RIOK2: variants seen among roughly 807,000 people sequenced by gnomAD.
The protein encoded by RIOK2 is RIO kinase 2.
A neutral mutation model predicts 62.4 loss-of-function variants in RIOK2; 46 were observed. The observed-to-expected ratio is 0.74, with a 90% CI of 0.58 to 0.94. The LOEUF (loss-of-function observed/expected upper bound fraction) is 0.94, where lower values mean the gene tolerates loss of function less well. RIOK2 is among the 40% of genes least tolerant of loss of function. The probability of loss-of-function intolerance (pLI) is 0.00; values close to 1 mark genes in which losing one functional copy is unlikely to be tolerated. For synonymous variants in RIOK2, 197 were observed against 216.0 expected (o/e 0.91, Z 0.77); for missense variants, 574 against 658.0 (o/e 0.87, Z 1.40).
At position 97,177,197 on chromosome 5, in the gene RIOK2, G is replaced by A. The variant is rs774007499; in HGVS notation, c.417C>T (p.Arg139=). The stretch of plus-strand genomic sequence containing the variant: ...CATTGTGCCTATGTTTATGATAATC[G>A]CGTTTGTTTTTCAAATTTCGAAACG... ...RTSFRNLKNK[R]DYHKHRHNVS... is the part of the protein sequence containing the mutation. Residue 139 remains arginine (R), a synonymous_variant, in exon 4 of 10, where the codon CGC becomes CGT. Transcript: ENST00000283109. 51 of 1,613,010 alleles carry A rather than the reference G, an allele frequency of 3.2e-5. No homozygotes were observed. The highest frequency in any genetic ancestry group is 4.1e-5 in the Non-Finnish European group (48 of 1,179,420).
chr5:97,166,938 G>A (rs772588887), intron 8 of RIOK2: 48 of 932,748 alleles, frequency 5.1e-5, no homozygotes, highest in Admixed American at 1.2e-4. Flanking sequence ...TTTTTGAGAC[G>A]GAGTTTTTTG....
Position 97,177,716 on chromosome 5 carries a change from T to G in RIOK2, c.322+16A>C. 1.4e-6 allele frequency: 2 copies of G among 1,409,620 alleles called. No homozygotes were observed. The highest frequency in any genetic ancestry group is 1.4e-5 in the African/African-American group (1 of 71,652). 87.3% of individuals were successfully genotyped at this position (1,409,620 alleles called of 1,614,324 possible). On this transcript the variant is annotated intron_variant, in intron 3 of 9. Transcript: ENST00000283109. ...AAAGCAAAGAAAATACTTTGCACAG[T>G]ACTATTAGCACTTACCTGATTCTTT...
At chr5:97,172,436 A>C (rs1749037772) in intron 5 of RIOK2, among the ~76,000 whole-genome samples, 1 of 152,124 alleles carries the variant, frequency 6.6e-6, no homozygotes, top group Admixed American at 6.5e-5. Flanking sequence ...TCCAATCTCA[A>C]ATCATGTTGG....
Position 97,161,643 on chromosome 5 carries a change from T to G in RIOK2, c.*1418A>C, listed in dbSNP as rs1225576572. ...AAAAATCATGTTTGTCTTGAGTTTC[T>G]TAATAGTAATGGGCTTTTTATGTAG... is the stretch of plus-strand genomic sequence containing the variant. On this transcript the variant is annotated 3_prime_UTR_variant, in exon 10 of 10. Transcript: ENST00000283109. 2 of 152,174 alleles carry G rather than the reference T, an allele frequency of 1.3e-5. No homozygotes were observed. Among genetic ancestry groups the G allele is most frequent in the East Asian group, 3.8e-4 (2 of 5,202 alleles). The allele number at this position is 152,174 out of a possible 1,614,324, so 9.4% of individuals were successfully genotyped here.
At chr5:97,165,200 T>C (rs1369027700) in intron 8 of RIOK2, 53 bp from the exon 9 acceptor site, 2 of 851,548 alleles carry the variant, frequency 2.3e-6, no homozygotes, top group African/African-American at 3.5e-5. Context: ...ATGTAATGAA[T>C]CCCATTTGAT....
At chr5:97,169,849 C>A (rs1748950290) in intron 6 of RIOK2, among the ~76,000 whole-genome samples, 1 of 152,140 alleles carries the variant, frequency 6.6e-6, no homozygotes, top group South Asian at 2.1e-4. Context: ...ATGTCATAAT[C>A]TGTCACACTC....
intron 9 of RIOK2, among the ~76,000 whole-genome samples, chr5:97,164,647 T>C (rs548785383): frequency 4.2e-4 from 64 of 152,318 alleles, no homozygotes; most frequent in African/African-American, 1.5e-3. Context: ...CTTCAGCTCA[T>C]ATGAAGAATG....
At position 97,169,608 on chromosome 5, in the gene RIOK2, C is replaced by T. The variant is rs115168052; in HGVS notation, c.780-756G>A. Among the ~76,000 whole-genome samples the T allele has an allele frequency of 9.2e-3, 1,404 of 152,244 alleles. 25 individuals carry two copies. Among genetic ancestry groups the T allele is most frequent in the African/African-American group, 0.032 (1,330 of 41,540 alleles). On this transcript the variant is annotated intron_variant, in intron 6 of 9. Coordinates refer to ENST00000283109, the MANE Select transcript of RIOK2 (RefSeq NM_018343.3). ...TTGGAAATAGGAAGATAATGCCTCTCCTCTTTGCTCACAGGGTACTCTGGG... is the reference window on the plus strand; with the variant it reads ...TTGGAAATAGGAAGATAATGCCTCTTCTCTTTGCTCACAGGGTACTCTGGG...
chr5:97,173,453 A>G (rs1749072294), intron 4 of RIOK2, among the ~76,000 whole-genome samples, 190 bp from the exon 5 acceptor site: 1 of 152,226 alleles, frequency 6.6e-6, no homozygotes. Context: ...TAAAAAGCAA[A>G]TTTTAAACAA....
intron 8 of RIOK2, chr5:97,166,300 C>T: frequency 2.2e-6 from 1 of 455,422 alleles, no homozygotes; most frequent in Non-Finnish European, 4.4e-6. Flanking sequence ...CCCTCTTTTC[C>T]TTTTAAGCTT....
At chr5:97,182,665 T>C (rs549363522) in intron 1 of RIOK2, 6 of 204,844 alleles carry the variant, frequency 2.9e-5, no homozygotes, top group Non-Finnish European at 6.1e-5. Context: ...TTTGAACAAG[T>C]GAACCTCCTA....
intron 6 of RIOK2, among the ~76,000 whole-genome samples, chr5:97,169,830 A>C (rs1561517360): frequency 6.6e-6 from 1 of 152,182 alleles, no homozygotes; most frequent in Non-Finnish European, 1.5e-5. Context: ...GATGCAGCCT[A>C]AACCTAGAAT....
At position 97,161,433 on chromosome 5, in the gene RIOK2, T is replaced by C. The variant is rs1438871266; in HGVS notation, c.*1628A>G. On this transcript the variant is annotated 3_prime_UTR_variant, in exon 10 of 10. Coordinates refer to ENST00000283109, the MANE Select transcript of RIOK2 (RefSeq NM_018343.3). The stretch of plus-strand genomic sequence containing the variant: ...ACATATCTTCAAAAAATAACTATTA[T>C]AATTATACCTTAGTTTTCAACAACC... 6.6e-6 allele frequency: 1 copy of C among 152,156 alleles called. No individual in the cohort carries two copies. The highest frequency in any genetic ancestry group is 1.5e-5 in the Non-Finnish European group (1 of 68,028). 9.4% of individuals were successfully genotyped at this position (152,156 alleles called of 1,614,324 possible).
chr5:97,179,217 T>C (rs531650778), intron 1 of RIOK2, 24 bp from the exon 2 acceptor site: 1 of 1,605,686 alleles, frequency 6.2e-7, no homozygotes, highest in Non-Finnish European at 8.5e-7. Context: ...AATCATTATA[T>C]AATCATAATC....
rs1192783219 is a variant in RIOK2, at chr5:97,168,008, T to A, written c.873-17A>T. The A allele has an allele frequency of 6.4e-7, 1 of 1,564,576 alleles. No homozygotes were observed. The highest frequency in any genetic ancestry group is 1.4e-5 in the African/African-American group (1 of 72,888). On this transcript the variant is annotated splice_polypyrimidine_tract_variant and intron_variant, in intron 7 of 9. Coordinates refer to ENST00000283109, the MANE Select transcript of RIOK2 (RefSeq NM_018343.3). ...TCTTCTCTCCTAGAAAAAAAAGGCG[T>A]CAAGCATAGAAAGAGAGAAAAAATG...
intron 4 of RIOK2, 96 bp downstream of exon 4, chr5:97,177,020 G>T: frequency 9.9e-7 from 1 of 1,007,312 alleles, no homozygotes; most frequent in Non-Finnish European, 1.5e-6. Context: ...AGGTTAGAGA[G>T]ATGTGGGGAC....
At chr5:97,182,070 T>A (rs923117279) in intron 1 of RIOK2, among the ~76,000 whole-genome samples, 1 of 152,236 alleles carries the variant, frequency 6.6e-6, no homozygotes, top group Non-Finnish European at 1.5e-5. Flanking sequence ...TTACACAATA[T>A]AGGTAGTCCT....
At chr5:97,168,128 A>G in intron 7 of RIOK2, 137 bp from the exon 8 acceptor site, 1 of 826,922 alleles carries the variant, frequency 1.2e-6, no homozygotes, top group East Asian at 2.8e-5. Flanking sequence ...TCCTTCCCTA[A>G]AATGTAATAT....
chr5:97,171,821 A>C (rs143784952), intron 5 of RIOK2, among the ~76,000 whole-genome samples: 4 of 152,208 alleles, frequency 2.6e-5, no homozygotes, highest in Admixed American at 1.3e-4. Flanking sequence ...AATCAATAAT[A>C]GCATGTACGG....
Sources: allele counts gnomAD v4.1 joint callset (sites outside exome capture counted in the v4.1 genomes callset), GRCh38; gene constraint gnomAD v4.1.1; transcripts MANE v1.5; gene names NCBI Gene and HGNC (gene_info 2026-07-23, HGNC 2026-07-21).